The following ZNRF1 variants were observed in gnomAD, a reference collection of about 807,000 sequenced individuals.
ZNRF1 encodes E3 ubiquitin-protein ligase ZNRF1.
ZNRF1 carries 3 observed loss-of-function variants against 18.4 expected under a neutral mutation model. That is an observed-to-expected ratio of 0.16 (90% CI 0.07 to 0.42). The LOEUF (loss-of-function observed/expected upper bound fraction) is 0.42, where lower values mean the gene tolerates loss of function less well. Ranked by LOEUF, ZNRF1 falls within the 10% of genes least tolerant of loss-of-function variation. ZNRF1 has a pLI of 0.99. For synonymous variants in ZNRF1, 157 were observed against 144.2 expected, an observed-to-expected ratio of 1.09 and a Z score of -0.64; for missense variants, 310 against 329.8, an observed-to-expected ratio of 0.94 and a Z score of 0.47.
chr16:75,097,728 G>T (rs2036215850), intron 2 of ZNRF1, among the ~76,000 whole-genome samples: 1 of 152,158 alleles, frequency 6.6e-6, no homozygotes, highest in Admixed American at 6.5e-5. Context: ...GAGGTGAGAG[G>T]ATCACTTGAG....
At chr16:75,053,462 G>A (rs986231458) in intron 1 of ZNRF1, among the ~76,000 whole-genome samples, 14 of 152,026 alleles carry the variant, frequency 9.2e-5, no homozygotes, top group Admixed American at 3.3e-4. Context: ...GGTGGCACAC[G>A]CCTATAGTCC....
At chr16:75,064,020 G>T (rs1178783464) in intron 1 of ZNRF1, among the ~76,000 whole-genome samples, 1 of 152,156 alleles carries the variant, frequency 6.6e-6, no homozygotes, top group Non-Finnish European at 1.5e-5. Context: ...GGTTTTGGCC[G>T]GGTGCAGTGG....
Position 75,110,483 on chromosome 16 carries a change from G to A in ZNRF1, c.*2783G>A, listed in dbSNP as rs2145437127. 1 of 152,346 alleles carries A rather than the reference G, an allele frequency of 6.6e-6. No individual in the cohort carries two copies. The highest frequency in any genetic ancestry group is 2.1e-4 in the South Asian group (1 of 4,824). The allele number at this position is 152,346 out of a possible 1,614,324, so 9.4% of individuals were successfully genotyped here. On this transcript the variant is annotated 3_prime_UTR_variant, in exon 5 of 5. Transcript: ENST00000335325. ...CATTTAACGGTACTGCAGTTCATGG[G>A]AAAATGTCCTCATTCTTAGGAGATA... is the stretch of plus-strand genomic sequence containing the variant.
chr16:75,064,860 C>G (rs182330935), intron 1 of ZNRF1, among the ~76,000 whole-genome samples: 1 of 152,208 alleles, frequency 6.6e-6, no homozygotes, highest in East Asian at 1.9e-4. Context: ...TTCGGAAGAA[C>G]CGACTGCTGG....
chr16:75,086,879 A>T (rs1405575965), intron 1 of ZNRF1, among the ~76,000 whole-genome samples: 1 of 151,746 alleles, frequency 6.6e-6, no homozygotes, highest in Non-Finnish European at 1.5e-5. Context: ...TGATTCTTCT[A>T]CCTTTAGGTG....
At chr16:75,033,734 G>A (rs1244090047) in intron 1 of ZNRF1, among the ~76,000 whole-genome samples, 1 of 152,084 alleles carries the variant, frequency 6.6e-6, no homozygotes. Context: ...ATTGTGCTTG[G>A]CCTATAGTTT....
In ZNRF1 at chr16:75,024,878, C is replaced by T. The variant is rs1255132550; in HGVS notation, c.424+24783C>T. 7.2e-5 allele frequency among the ~76,000 whole-genome samples: 11 copies of T among 152,132 alleles called. 1 individual carries two copies. In the South Asian group the frequency reaches 1.4e-3, roughly 20 times the overall value. On this transcript the variant is annotated intron_variant, in intron 1 of 4. Transcript: ENST00000335325. ...AGATTTTAAACATTAATGTAGAAAG[C>T]GGAAGTTTCCCCCATGATCCCTCTG...
intron 1 of ZNRF1, among the ~76,000 whole-genome samples, chr16:75,005,380 G>A (rs1342755629): frequency 6.6e-6 from 1 of 152,152 alleles, no homozygotes. Flanking sequence ...TGCTTTATGG[G>A]ATACTACATT....
chr16:75,088,200 C>A (rs1443241981), intron 1 of ZNRF1, among the ~76,000 whole-genome samples: 2 of 152,110 alleles, frequency 1.3e-5, no homozygotes, highest in Non-Finnish European at 1.5e-5. Flanking sequence ...CTGTAGTGGA[C>A]GCTTATGGGA....
intron 1 of ZNRF1, among the ~76,000 whole-genome samples, chr16:75,062,340 C>T (rs928313014): frequency 1.3e-5 from 2 of 152,268 alleles, no homozygotes; most frequent in Non-Finnish European, 2.9e-5. Context: ...CAAGGCATCT[C>T]TGAAGGCAGC....
At chr16:75,070,495 A>G (rs368084539) in intron 1 of ZNRF1, among the ~76,000 whole-genome samples, 1 of 152,146 alleles carries the variant, frequency 6.6e-6, no homozygotes, top group Non-Finnish European at 1.5e-5. Context: ...TAGCATCCAC[A>G]TCCACATTTT....
At chr16:75,100,858 G>C (rs1051950262) in intron 2 of ZNRF1, among the ~76,000 whole-genome samples, 2 of 152,300 alleles carry the variant, frequency 1.3e-5, no homozygotes, top group Admixed American at 6.5e-5. Flanking sequence ...CCCTCACTAA[G>C]CTATGCTGTT....
At chr16:75,104,953 C>T (rs2036297165) in intron 3 of ZNRF1, 64 bp downstream of exon 3, 1 of 1,350,284 alleles carries the variant, frequency 7.4e-7, no homozygotes, top group Non-Finnish European at 1.0e-6. Context: ...CCCCCATCTC[C>T]AGCCATTCTG....
At chr16:75,060,879 T>G (rs1251774528) in intron 1 of ZNRF1, among the ~76,000 whole-genome samples, 2 of 152,146 alleles carry the variant, frequency 1.3e-5, no homozygotes, top group African/African-American at 4.8e-5. Context: ...TGGAGTTTTG[T>G]AACTTCGTGA....
At chr16:75,011,740 T>A (rs2035003310) in intron 1 of ZNRF1, among the ~76,000 whole-genome samples, 1 of 152,200 alleles carries the variant, frequency 6.6e-6, no homozygotes, top group Non-Finnish European at 1.5e-5. Flanking sequence ...CATCTTAATA[T>A]CTGACGAGCC....
At chr16:75,106,412 C>G in intron 3 of ZNRF1, 70 bp from the exon 4 acceptor site, 1 of 1,568,784 alleles carries the variant, frequency 6.4e-7, no homozygotes, top group South Asian at 1.1e-5. Context: ...ATCTGGCCCT[C>G]TGAAAGAGCC....
chr16:75,053,904 C>G (rs996674275), intron 1 of ZNRF1, among the ~76,000 whole-genome samples: 1 of 152,222 alleles, frequency 6.6e-6, no homozygotes, highest in Non-Finnish European at 1.5e-5. Context: ...CTGGCTTTGG[C>G]TCATTGTGGC....
At chr16:75,010,711 G>GGTTT (rs1555509224) in intron 1 of ZNRF1, among the ~76,000 whole-genome samples, 1 of 74,350 alleles carries the variant, frequency 1.3e-5, no homozygotes, top group East Asian at 3.2e-4. Flanking sequence ...GTTTTTTTTT[G>GGTTT]TTTTTTTGTT....
intron 1 of ZNRF1, among the ~76,000 whole-genome samples, chr16:75,080,342 C>T (rs1597900146): frequency 6.6e-6 from 1 of 152,238 alleles, no homozygotes; most frequent in African/African-American, 2.4e-5. Context: ...TTGGCATCAA[C>T]TGATGTAAGT....
Sources: gnomAD v4.1 joint callset for allele counts (sites outside exome capture counted in the v4.1 genomes callset) on GRCh38, gnomAD v4.1.1 for gene constraint, MANE v1.5 for transcripts, NCBI Gene and HGNC (gene_info 2026-07-23, HGNC 2026-07-21) for gene names.